The following JAK2 variants were observed in gnomAD, a reference collection of about 807,000 sequenced individuals.
JAK2 encodes tyrosine-protein kinase JAK2.
JAK2 carries 86 observed loss-of-function variants against 139.3 expected under a neutral mutation model. The observed-to-expected ratio is 0.62, with a 90% CI of 0.52 to 0.74. The LOEUF (loss-of-function observed/expected upper bound fraction) is 0.74. JAK2 is among the 30% of genes least tolerant of loss of function. The pLI is 0.00. For synonymous variants in JAK2, 490 were observed against 437.7 expected, an observed-to-expected ratio of 1.12 and a Z score of -1.49; for missense variants, 1,421 against 1,360.3, an observed-to-expected ratio of 1.04 and a Z score of -0.70.
chr9:4,997,706 A>G (rs998854584), intron 2 of JAK2, among the ~76,000 whole-genome samples: 1 of 152,206 alleles, frequency 6.6e-6, no homozygotes, highest in Non-Finnish European at 1.5e-5. Context: ...TATTGGTTTT[A>G]TAAAGGTTTG....
chr9:5,041,967 T>C, intron 4 of JAK2: 1 of 373,042 alleles, frequency 2.7e-6, no homozygotes, highest in East Asian at 7.0e-5. Context: ...GTGCGGCCCC[T>C]TGGGGAGCGA....
At chr9:5,117,993 C>G (rs1010437864) in intron 22 of JAK2, among the ~76,000 whole-genome samples, 1 of 152,052 alleles carries the variant, frequency 6.6e-6, no homozygotes, top group Non-Finnish European at 1.5e-5. Context: ...TAATTTTTTT[C>G]TTTGTAAGTA....
rs1278748630 is a variant in JAK2 at position 5,070,021 on chromosome 9, TTCACAA to T, written c.1611_1616del (p.Phe537_Lys539delinsLeu). 1 of 1,607,744 alleles carries T rather than the reference TTCACAA, an allele frequency of 6.2e-7. No individual in the cohort carries two copies. The highest frequency in any genetic ancestry group is 8.5e-7 in the Non-Finnish European group (1 of 1,176,172). On this transcript the variant is annotated inframe_deletion, in exon 12 of 25. Coordinates refer to ENST00000381652, the MANE Select transcript of JAK2 (RefSeq NM_004972.4). ...CCTACTCATATGAACCAAATGGTGT[TTCACAA>T]AATCAGAAATGAAGATTTGATATTT... is the stretch of plus-strand genomic sequence containing the variant.
rs776830350 is a variant in JAK2, at chr9:5,055,751, G to T, written c.1019G>T (p.Arg340Leu). The change falls in exon 8 of 25, where the codon CGA (arginine) becomes CTA (leucine). Residue 340 changes from arginine (R) to leucine (L), a missense_variant. By Grantham distance (102) the Arg-to-Leu change is moderately radical. Transcript: ENST00000381652. ...AACCAAGAGGGTTCAAATGAAAGCCGAGTTGTAACTATCCATAAGCAAGAT... is the reference window on the plus strand; with the variant it reads ...AACCAAGAGGGTTCAAATGAAAGCCTAGTTGTAACTATCCATAAGCAAGAT... ...QANQEGSNES[R>L]VVTIHKQDGK... 3.1e-6 allele frequency: 5 copies of T among 1,610,602 alleles called. No homozygotes were observed. Among genetic ancestry groups the T allele is most frequent in the South Asian group, 1.1e-5 (1 of 90,836 alleles).
rs539800657 is a variant in JAK2 at position 5,111,198 on chromosome 9, G to A, written c.3060-11806G>A. On this transcript the variant is annotated intron_variant, in intron 22 of 24. Coordinates refer to ENST00000381652, the MANE Select transcript of JAK2 (RefSeq NM_004972.4). The stretch of plus-strand genomic sequence containing the variant: ...ACTCTCCATTCACATTCCTGGGACC[G>A]GGACTCGGAGGCAAGAGCAGCTAGC... 87 of 642,180 alleles carry A rather than the reference G, an allele frequency of 1.4e-4. 1 individual carries two copies. The East Asian group carries it at 3.0e-3, about 22-fold the overall frequency. The allele number at this position is 642,180 out of a possible 1,614,324, so 39.8% of individuals were successfully genotyped here.
intron 22 of JAK2, among the ~76,000 whole-genome samples, chr9:5,117,088 C>A (rs1282799059): frequency 6.6e-6 from 1 of 152,216 alleles, no homozygotes; most frequent in Non-Finnish European, 1.5e-5. Flanking sequence ...CGGCATTCCT[C>A]TCCTCTAAAA....
At chr9:5,086,449 C>T (rs1363654177) in intron 19 of JAK2, among the ~76,000 whole-genome samples, 1 of 152,224 alleles carries the variant, frequency 6.6e-6, no homozygotes, top group Non-Finnish European at 1.5e-5. Context: ...GCATCATTCT[C>T]AATCTTCTCT....
At chr9:5,037,878 T>C (rs1586679973) in intron 4 of JAK2, among the ~76,000 whole-genome samples, 1 of 151,972 alleles carries the variant, frequency 6.6e-6, no homozygotes, top group Admixed American at 6.6e-5. Flanking sequence ...AAAAGGCAAA[T>C]TGTAAAGATA....
At chr9:5,117,173 C>T (rs1477454135) in intron 22 of JAK2, among the ~76,000 whole-genome samples, 1 of 152,258 alleles carries the variant, frequency 6.6e-6, no homozygotes, top group African/African-American at 2.4e-5. Flanking sequence ...GCACCTTTAT[C>T]ATGGACTCCC....
chr9:4,992,542 G>T (rs1820315833), intron 2 of JAK2, among the ~76,000 whole-genome samples: 1 of 152,110 alleles, frequency 6.6e-6, no homozygotes, highest in South Asian at 2.1e-4. Flanking sequence ...CATCCCTCCT[G>T]TATCTGAAAT....
chr9:5,127,849 TAGAAG>T lies in JAK2; in HGVS notation c.*1062_*1066del, dbSNP rs1412573321. 1 of 232,426 alleles carries T rather than the reference TAGAAG, an allele frequency of 4.3e-6. No homozygotes were observed. The highest frequency in any genetic ancestry group is 8.5e-6 in the Non-Finnish European group (1 of 117,408). 14.4% of individuals were successfully genotyped at this position (232,426 alleles called of 1,614,324 possible). A position where few individuals can be genotyped will look rare whatever the true frequency, so the allele number is the denominator to read the frequency against. On this transcript the variant is annotated 3_prime_UTR_variant, in exon 25 of 25. Transcript: ENST00000381652. Reference sequence around the variant, plus strand: ...GTTTCAGAATTTTGCATTGCAGTCATAGAAGAGATTTATTTCCTTTTTAGAGGGGA... The same window carrying T: ...GTTTCAGAATTTTGCATTGCAGTCATAGATTTATTTCCTTTTTAGAGGGGA...
In JAK2 at chr9:5,047,684, G is replaced by A. The variant is rs374941986; in HGVS notation, c.469-3002G>A. Among the ~76,000 whole-genome samples, 587 of 152,146 alleles carry A rather than the reference G, an allele frequency of 3.9e-3. 4 individuals carry two copies. The highest frequency in any genetic ancestry group is 0.013 in the African/African-American group (559 of 41,506). The stretch of plus-strand genomic sequence containing the variant: ...TTTTTTTATAGAGATTGAACTCCTG[G>A]GCTCCAGTGATTGTCTTGCTTCAGC... On this transcript the variant is annotated intron_variant, in intron 5 of 24. Coordinates refer to ENST00000381652, the MANE Select transcript of JAK2 (RefSeq NM_004972.4).
intron 2 of JAK2, among the ~76,000 whole-genome samples, chr9:4,988,514 G>T (rs1563907796): frequency 6.6e-6 from 1 of 152,300 alleles, no homozygotes; most frequent in East Asian, 1.9e-4. Context: ...GGGGTGTCGT[G>T]AAAAATTTGC....
At chr9:5,085,613 C>G (rs1045311581) in intron 19 of JAK2, 3 of 701,632 alleles carry the variant, frequency 4.3e-6, no homozygotes, top group Non-Finnish European at 8.0e-6. Context: ...AGAATTAAAT[C>G]TCCAGCAAGG....
Position 5,029,822 on chromosome 9 carries a change from G to A in JAK2, c.266G>A (p.Ser89Asn). ...PVYHNMFALM[S>N]ETERIWYPPN... ...TATCATAATATGTTTGCTTTAATGA[G>A]TGAAACAGAAAGGATCTGGTATCCA... Residue 89 changes from serine (S) to asparagine (N), a missense_variant, in exon 4 of 25, where the codon AGT (serine) becomes AAT (asparagine). By Grantham distance (46) the Ser-to-Asn change is conservative. Transcript: ENST00000381652. 1 of 1,611,374 alleles carries A rather than the reference G, an allele frequency of 6.2e-7. No homozygotes were observed. Among genetic ancestry groups the A allele is most frequent in the Non-Finnish European group, 8.5e-7 (1 of 1,178,024 alleles).
At chr9:5,112,812 G>A in intron 22 of JAK2, 1 of 551,766 alleles carries the variant, frequency 1.8e-6, no homozygotes, top group Non-Finnish European at 2.9e-6. Context: ...GCCCACCTGG[G>A]CTTGAGTGAA....
At chr9:4,994,954 G>A (rs1820476322) in intron 2 of JAK2, among the ~76,000 whole-genome samples, 1 of 152,104 alleles carries the variant, frequency 6.6e-6, no homozygotes, top group South Asian at 2.1e-4. Context: ...GTGTGTGTGT[G>A]TGTGACTATA....
chr9:5,052,329 A>G (rs923246761), intron 6 of JAK2, among the ~76,000 whole-genome samples: 1 of 152,052 alleles, frequency 6.6e-6, no homozygotes, highest in Non-Finnish European at 1.5e-5. Context: ...CCTAATGACT[A>G]TTTAGTAACT....
At chr9:5,115,778 A>G (rs985579887) in intron 22 of JAK2, among the ~76,000 whole-genome samples, 9 of 152,204 alleles carry the variant, frequency 5.9e-5, no homozygotes, top group African/African-American at 2.2e-4. Flanking sequence ...AGATGAAGCT[A>G]GAAACCATAA....
Sources: gnomAD v4.1 joint callset for allele counts (sites outside exome capture counted in the v4.1 genomes callset) on GRCh38, gnomAD v4.1.1 for gene constraint, MANE v1.5 for transcripts, NCBI Gene and HGNC (gene_info 2026-07-23, HGNC 2026-07-21) for gene names.